Variants in NDST1 observed in about 807,000 individuals in gnomAD.
The protein encoded by NDST1 is N-deacetylase and N-sulfotransferase 1, also known as bifunctional heparan sulfate N-deacetylase/N-sulfotransferase 1.
Under a neutral mutation model 92.8 loss-of-function variants are expected in NDST1, and 35 were observed. The observed-to-expected ratio is 0.38, with a 90% CI of 0.29 to 0.50. NDST1 has a LOEUF of 0.50. NDST1 is among the 20% of genes least tolerant of loss of function. The pLI is 0.94. For missense variants in NDST1, 822 were observed against 1,182.7 expected (o/e 0.69, Z 4.47); for synonymous variants, 493 against 500.3 (o/e 0.99, Z 0.19).
intron 1 of NDST1, among the ~76,000 whole-genome samples, chr5:150,519,961 G>C (rs1754166544): frequency 6.6e-6 from 1 of 152,180 alleles, no homozygotes; most frequent in South Asian, 2.1e-4. Flanking sequence ...TGGGTGGACA[G>C]AAGGTCCAGG....
chr5:150,510,526 G>A (rs1471707779), intron 1 of NDST1, among the ~76,000 whole-genome samples: 1 of 150,622 alleles, frequency 6.6e-6, no homozygotes, highest in Non-Finnish European at 1.5e-5. Flanking sequence ...CCTTGGGACG[G>A]GAGGGTGGCA....
chr5:150,548,420 G>A (rs1755583667), intron 12 of NDST1, 32 bp downstream of exon 12: 1 of 1,603,038 alleles, frequency 6.2e-7, no homozygotes, highest in African/African-American at 1.3e-5. Context: ...TGTGAGGGCA[G>A]TCACAGTACT....
chr5:150,541,687 C>T (rs1755255126), intron 9 of NDST1, 21 bp downstream of exon 9: 1 of 1,608,768 alleles, frequency 6.2e-7, no homozygotes, highest in African/African-American at 1.3e-5. Flanking sequence ...CTGCTCTTGA[C>T]CGAGCTTCCC....
intron 6 of NDST1, among the ~76,000 whole-genome samples, chr5:150,536,549 C>T (rs1754998058): frequency 6.6e-6 from 1 of 151,774 alleles, no homozygotes; most frequent in South Asian, 2.1e-4. Context: ...TTCTACCATG[C>T]ATCTATCCCT....
In NDST1 at chr5:150,534,946, C is replaced by A. The variant is rs778062322; in HGVS notation, c.1176C>A (p.Ser392Arg). The change falls in exon 5 of 15, where the codon AGC becomes AGA. Residue 392 changes from serine to arginine, a missense_variant. Ser to Arg is a moderately radical substitution (Grantham distance 110, BLOSUM62 -1). Transcript: ENST00000261797. ...TCTGGTGGTTCCCCCACATGTGGAGCCACATGCAGCCCCACCTTTTCCACA... is the reference window on the plus strand; with the variant it reads ...TCTGGTGGTTCCCCCACATGTGGAGACACATGCAGCCCCACCTTTTCCACA... Reference protein sequence around the residue: ...KEFWWFPHMWSHMQPHLFHNQ... With the variant: ...KEFWWFPHMWRHMQPHLFHNQ... 3 of 1,614,266 alleles carry A rather than the reference C, an allele frequency of 1.9e-6. No individual in the cohort carries two copies. Among genetic ancestry groups the A allele is most frequent in the Non-Finnish European group, 8.5e-7 (1 of 1,180,046 alleles).
chr5:150,527,858 C>G lies in NDST1; in HGVS notation c.568C>G (p.His190Asp). 1 of 1,614,172 alleles carries G rather than the reference C, an allele frequency of 6.2e-7. No individual in the cohort carries two copies. Among genetic ancestry groups the G allele is most frequent in the Non-Finnish European group, 8.5e-7 (1 of 1,180,024 alleles). Residue 190 changes from histidine to aspartate, a missense_variant, in exon 3 of 15, where the codon CAC (histidine) becomes GAC (aspartate). Transcript: ENST00000261797. ...AQLKGFPLFL[H>D]SNLGLKDCSI... ...GCTCAAGGGCTTCCCCCTGTTCCTG[C>G]ACTCAAACCTGGGCCTGAAGGACTG...
chr5:150,541,077 G>A (rs950506736), intron 8 of NDST1, among the ~76,000 whole-genome samples: 1 of 152,158 alleles, frequency 6.6e-6, no homozygotes, highest in East Asian at 1.9e-4. Context: ...GTGACTCATG[G>A]GCCAAAACCA....
Position 150,557,566 on chromosome 5 carries a change from C to G in NDST1, c.*4234C>G, listed in dbSNP as rs1377595038. ...CATCTTCCTCCCAGGCCCTCAGTTT[C>G]TTCATCTGTAGAATGAGCAGATAGG... On this transcript the variant is annotated 3_prime_UTR_variant, in exon 15 of 15. Transcript: ENST00000261797. This position sits in a 1 kb window ranked among gnomAD's most constrained non-coding sequence, Gnocchi z 4.7. The G allele has an allele frequency of 6.6e-6, 1 of 152,336 alleles. No homozygotes were observed. Among genetic ancestry groups the G allele is most frequent in the Non-Finnish European group, 1.5e-5 (1 of 68,102 alleles). The allele number at this position is 152,336 out of a possible 1,614,324, so 9.4% of individuals were successfully genotyped here. A position where few individuals can be genotyped will look rare whatever the true frequency, so the allele number is the denominator to read the frequency against.
chr5:150,545,460 G>A lies in NDST1; in HGVS notation c.2119G>A (p.Ala707Thr), dbSNP rs962700674. ...GGTCCTGACCATCCTCATCAACCCC[G>A]CGGACCGGGCCTATTCCTGGTACCA... ...AKVLTILINP[A>T]DRAYSWYQHQ... The change falls in exon 11 of 15, where the codon GCG becomes ACG. Residue 707 changes from alanine to threonine, a missense_variant. Transcript: ENST00000261797. The A allele has an allele frequency of 6.2e-6, 10 of 1,614,212 alleles. No homozygotes were observed. The highest frequency in any genetic ancestry group is 2.2e-5 in the East Asian group (1 of 44,890).
chr5:150,552,394 A>T (rs762048560), intron 14 of NDST1, among the ~76,000 whole-genome samples: 1 of 152,216 alleles, frequency 6.6e-6, no homozygotes, highest in Non-Finnish European at 1.5e-5. Flanking sequence ...CATAGGGGGA[A>T]AAAAGAAATT....
At chr5:150,533,809 G>A (rs1041620181) in intron 4 of NDST1, among the ~76,000 whole-genome samples, 15 of 152,020 alleles carry the variant, frequency 9.9e-5, no homozygotes, top group African/African-American at 2.9e-4. Flanking sequence ...TTGGCTGGGC[G>A]CTGTGGCTCA....
chr5:150,542,198 G>C (rs907801644), intron 9 of NDST1, among the ~76,000 whole-genome samples: 33 of 152,092 alleles, frequency 2.2e-4, no homozygotes, highest in African/African-American at 8.0e-4. Flanking sequence ...CCTGAACTCT[G>C]ATCTCTGTGA....
chr5:150,524,800 A>C (rs1336535508), intron 2 of NDST1, among the ~76,000 whole-genome samples: 1 of 152,264 alleles, frequency 6.6e-6, no homozygotes, highest in Non-Finnish European at 1.5e-5. Flanking sequence ...AGAATGCTGC[A>C]ATAAGCATTT....
chr5:150,541,502 C>G, intron 8 of NDST1, 68 bp from the exon 9 acceptor site: 1 of 1,356,442 alleles, frequency 7.4e-7, no homozygotes, highest in Non-Finnish European at 1.1e-6. Flanking sequence ...GCCACATATC[C>G]ATGTGCAGTG....
chr5:150,548,102 C>G, intron 11 of NDST1, 116 bp from the exon 12 acceptor site: 1 of 1,245,622 alleles, frequency 8.0e-7, no homozygotes. Context: ...GACTCAGACC[C>G]AGAGCTCCTG....
At chr5:150,546,900 T>G (rs1203664414) in intron 11 of NDST1, among the ~76,000 whole-genome samples, 1 of 152,206 alleles carries the variant, frequency 6.6e-6, no homozygotes, top group Non-Finnish European at 1.5e-5. Flanking sequence ...GAAACACTTG[T>G]CAAGTGTTTC....
chr5:150,528,100 G>A lies in NDST1; in HGVS notation c.810G>A (p.Leu270=), dbSNP rs775223803. The change falls in exon 3 of 15, where the codon CTG becomes CTA. Residue 270 remains leucine, a synonymous_variant. Transcript: ENST00000261797. ...TGCACGCCACTGTGGTCCAGGACCT[G>A]GGCCTGCACGACGGCATCCAGCGCG... ...AALHATVVQD[L]GLHDGIQRVL... is the part of the protein sequence containing the mutation. 3 of 1,613,872 alleles carry A rather than the reference G, an allele frequency of 1.9e-6. No homozygotes were observed. Among genetic ancestry groups the A allele is most frequent in the Non-Finnish European group, 2.5e-6 (3 of 1,179,818 alleles).
rs1754549043 is a variant in NDST1, at chr5:150,528,037, C to T, written c.747C>T (p.Ile249=). 1 of 1,613,568 alleles carries T rather than the reference C, an allele frequency of 6.2e-7. No homozygotes were observed. The highest frequency in any genetic ancestry group is 1.3e-5 in the African/African-American group (1 of 74,946). ...CCAAGACGCGCTCGTCTGAGTCCAT[C>T]CCACACCTGGGCGCAGACGCCGGCC... is the stretch of plus-strand genomic sequence containing the variant. ...LLAKTRSSES[I]PHLGADAGLH... Residue 249 remains isoleucine (I), a synonymous_variant, in exon 3 of 15, where the codon ATC becomes ATT. Coordinates refer to ENST00000261797, the MANE Select transcript of NDST1 (RefSeq NM_001543.5).
rs567777868 is a variant in NDST1 at position 150,502,396 on chromosome 5, A to G, written c.-388+4157A>G. On this transcript the variant is annotated intron_variant, in intron 1 of 1. Transcript: ENST00000518299. ...GACCGCAAGGTTTCTGGCTTGAGGAACTGGAAGGACAGTTGGACAGTATTG... is the reference window on the plus strand; with the variant it reads ...GACCGCAAGGTTTCTGGCTTGAGGAGCTGGAAGGACAGTTGGACAGTATTG... 3.3e-5 allele frequency among the ~76,000 whole-genome samples: 5 copies of G among 152,220 alleles called. No individual in the cohort carries two copies. The East Asian group carries it at 9.7e-4, about 29-fold the overall frequency.
Sources: gnomAD v4.1 joint callset for allele counts (sites outside exome capture counted in the v4.1 genomes callset) on GRCh38, gnomAD v4.1.1 for gene constraint, Gnocchi (gnomAD v3.1) non-coding constraint, MANE v1.5 for transcripts, NCBI Gene and HGNC (gene_info 2026-07-23, HGNC 2026-07-21) for gene names.